The following GSK3B variants were observed in gnomAD, a reference collection of about 807,000 sequenced individuals.
The protein encoded by GSK3B is glycogen synthase kinase 3 beta, also known as glycogen synthase kinase-3 beta.
GSK3B carries 15 observed loss-of-function variants against 56.4 expected under a neutral mutation model. The observed-to-expected ratio is 0.27, with a 90% confidence interval of 0.18 to 0.41. GSK3B has a LOEUF of 0.41. Ranked by LOEUF, GSK3B falls within the 10% of genes least tolerant of loss-of-function variation. GSK3B has a pLI of 1.00. For missense variants in GSK3B, 300 were observed against 513.4 expected (o/e 0.58, Z 4.02); for synonymous variants, 181 against 188.9 (o/e 0.96, Z 0.34).
chr3:119,850,944 T>TA (rs1216585911), intron 9 of GSK3B, among the ~76,000 whole-genome samples: 1 of 152,102 alleles, frequency 6.6e-6, no homozygotes, highest in Non-Finnish European at 1.5e-5. Context: ...GGATAAAAGA[T>TA]AGACTGTGTT....
At chr3:120,041,438 G>A in intron 1 of GSK3B, 1 of 266,460 alleles carries the variant, frequency 3.8e-6, no homozygotes, top group Non-Finnish European at 8.0e-6. Context: ...CACATATCAT[G>A]CATACCTTCA....
chr3:120,060,680 C>A (rs1023756479), intron 1 of GSK3B, among the ~76,000 whole-genome samples: 1 of 152,098 alleles, frequency 6.6e-6, no homozygotes, highest in Admixed American at 6.5e-5. Flanking sequence ...GATCCCTGAT[C>A]ACGCCACTTC....
chr3:119,852,729 G>T (rs185249059), intron 9 of GSK3B, among the ~76,000 whole-genome samples: 313 of 152,182 alleles, frequency 2.1e-3, no homozygotes, highest in Non-Finnish European at 1.9e-3. Flanking sequence ...AACTTATTGG[G>T]CATTTAAAAA....
chr3:119,859,184 T>TAAAA (rs3031797), intron 9 of GSK3B, among the ~76,000 whole-genome samples: 3 of 143,414 alleles, frequency 2.1e-5, no homozygotes, highest in Non-Finnish European at 3.0e-5. Flanking sequence ...TTTGTGTATA[T>TAAAA]AAAAAAAAAA....
intron 1 of GSK3B, among the ~76,000 whole-genome samples, chr3:120,082,686 G>A (rs1041836261): frequency 1.3e-5 from 2 of 151,808 alleles, no homozygotes; most frequent in East Asian, 1.9e-4. Flanking sequence ...GAGCCACCGC[G>A]CCCGGCCCCC....
rs2107984795 is a variant in GSK3B at position 119,821,427 on chromosome 3, T to C, written c.*5361A>G. 1 of 152,384 alleles carries C rather than the reference T, an allele frequency of 6.6e-6. No homozygotes were observed. The highest frequency in any genetic ancestry group is 1.9e-4 in the East Asian group (1 of 5,186). The allele number at this position is 152,384 out of a possible 1,614,324, so 9.4% of individuals were successfully genotyped here. ...CAGCCCTAAAAAAATGATGTTTCTT[T>C]TTGCACTAAGAGACATAACATGTTT... On this transcript the variant is annotated 3_prime_UTR_variant, in exon 11 of 11. Coordinates refer to ENST00000264235, the MANE Select transcript of GSK3B (RefSeq NM_001146156.2).
At chr3:119,883,918 C>T (rs2056406421) in intron 7 of GSK3B, among the ~76,000 whole-genome samples, 1 of 149,876 alleles carries the variant, frequency 6.7e-6, no homozygotes, top group Non-Finnish European at 1.5e-5. Context: ...ACCAGACATT[C>T]AGGAAGAACC....
intron 4 of GSK3B, among the ~76,000 whole-genome samples, chr3:119,918,861 T>C (rs1036796296): frequency 6.6e-6 from 1 of 152,202 alleles, no homozygotes; most frequent in Admixed American, 6.5e-5. Context: ...ATTTGAACAG[T>C]TAGTTATATT....
chr3:119,847,138 G>A (rs149989740), intron 9 of GSK3B, among the ~76,000 whole-genome samples: 12 of 151,982 alleles, frequency 7.9e-5, no homozygotes, highest in African/African-American at 2.2e-4. Flanking sequence ...GGCCTGTTGC[G>A]GGGTAGGGGG....
chr3:119,918,514 G>T (rs2056804740), intron 4 of GSK3B, among the ~76,000 whole-genome samples: 2 of 151,752 alleles, frequency 1.3e-5, no homozygotes, highest in Admixed American at 6.6e-5. Context: ...AAAGCAGTTT[G>T]GTGGCTAAAT....
intron 1 of GSK3B, among the ~76,000 whole-genome samples, chr3:120,002,765 A>G (rs1367679448): frequency 2.0e-5 from 3 of 152,186 alleles, no homozygotes; most frequent in African/African-American, 7.2e-5. Context: ...GACCAGACAC[A>G]ATGCTTAGTT....
intron 7 of GSK3B, among the ~76,000 whole-genome samples, chr3:119,897,785 C>T (rs2056583188): frequency 7.4e-6 from 1 of 134,690 alleles, no homozygotes; most frequent in African/African-American, 3.0e-5. Flanking sequence ...CAGAGCAAGA[C>T]TCTGTCTCAA....
chr3:119,976,760 C>T (rs538945874), intron 2 of GSK3B, among the ~76,000 whole-genome samples: 100 of 130,912 alleles, frequency 7.6e-4, no homozygotes, highest in Middle Eastern at 7.5e-3. Flanking sequence ...GCTGACCACT[C>T]CCCACAAAAA....
At chr3:119,869,395 A>C (rs2056225660) in intron 8 of GSK3B, among the ~76,000 whole-genome samples, 1 of 152,118 alleles carries the variant, frequency 6.6e-6, no homozygotes, top group African/African-American at 2.4e-5. Context: ...CTCCCAAGTA[A>C]AATTGCTATC....
intron 2 of GSK3B, among the ~76,000 whole-genome samples, chr3:119,990,360 TA>T (rs758768028): frequency 2.6e-5 from 4 of 152,312 alleles, no homozygotes; most frequent in Admixed American, 6.5e-5. Context: ...TCTTAGTCTG[TA>T]AGAGAAAGCG....
intron 2 of GSK3B, among the ~76,000 whole-genome samples, chr3:119,975,373 G>A (rs1438830966): frequency 2.0e-5 from 3 of 152,086 alleles, no homozygotes; most frequent in African/African-American, 7.2e-5. Context: ...CTTGAACCTG[G>A]GAGGCGGAAG....
intron 2 of GSK3B, among the ~76,000 whole-genome samples, chr3:119,985,430 G>A (rs1340458334): frequency 1.3e-5 from 2 of 152,026 alleles, no homozygotes; most frequent in Non-Finnish European, 2.9e-5. Flanking sequence ...TTGTATATTT[G>A]GAAAACTCCA....
At chr3:119,941,820 G>T (rs1023655708) in intron 3 of GSK3B, among the ~76,000 whole-genome samples, 1 of 152,132 alleles carries the variant, frequency 6.6e-6, no homozygotes, top group East Asian at 1.9e-4. Context: ...GCTTATAAAA[G>T]TAAATATCTT....
chr3:120,068,710 T>C (rs1407362825), intron 1 of GSK3B, among the ~76,000 whole-genome samples: 1 of 151,136 alleles, frequency 6.6e-6, no homozygotes, highest in Non-Finnish European at 1.5e-5. Context: ...AAAAAATAAA[T>C]AAATAAATAA....
Sources: gnomAD v4.1 joint callset for allele counts (sites outside exome capture counted in the v4.1 genomes callset) on GRCh38, gnomAD v4.1.1 for gene constraint, MANE v1.5 for transcripts, NCBI Gene and HGNC (gene_info 2026-07-23, HGNC 2026-07-21) for gene names.